Variants in MTUS2 observed in about 807,000 individuals in gnomAD.
The protein encoded by MTUS2 is microtubule associated scaffold protein 2, also known as microtubule-associated tumor suppressor candidate 2.
A neutral mutation model predicts 114.1 loss-of-function variants in MTUS2; 40 were observed. The observed-to-expected ratio is 0.35, with a 90% CI of 0.27 to 0.46. MTUS2 has a LOEUF of 0.46. MTUS2 is among the 20% of genes least tolerant of loss of function. MTUS2 has a pLI of 1.00. For missense variants in MTUS2, 1,679 were observed against 1,705.4 expected (o/e 0.98, Z 0.27); for synonymous variants, 688 against 672.0 (o/e 1.02, Z -0.37).
chr13:29,211,685 T>G (rs1218325361), intron 5 of MTUS2, among the ~76,000 whole-genome samples: 16 of 151,968 alleles, frequency 1.1e-4, no homozygotes, highest in Admixed American at 6.6e-4. Flanking sequence ...CTTAGCTCCC[T>G]ATAAGGTCAA....
intron 6 of MTUS2, among the ~76,000 whole-genome samples, chr13:29,310,958 A>C (rs1157035530): frequency 6.6e-6 from 1 of 152,230 alleles, no homozygotes; most frequent in Non-Finnish European, 1.5e-5. Context: ...ATGGCCAAAA[A>C]CTAGAAGTGG....
At chr13:29,164,912 G>A (rs1893251631) in intron 5 of MTUS2, among the ~76,000 whole-genome samples, 1 of 152,054 alleles carries the variant, frequency 6.6e-6, no homozygotes, top group African/African-American at 2.4e-5. Flanking sequence ...TATGGGAAAG[G>A]GCTTATTTAA....
chr13:29,142,480 G>C (rs992304776), intron 5 of MTUS2, among the ~76,000 whole-genome samples: 2 of 152,108 alleles, frequency 1.3e-5, no homozygotes, highest in Non-Finnish European at 2.9e-5. Context: ...GAGGCGGGTG[G>C]ATCACCTGAG....
chr13:28,969,643 C>A (rs999325790), intron 2 of MTUS2, among the ~76,000 whole-genome samples: 1 of 149,904 alleles, frequency 6.7e-6, no homozygotes. Flanking sequence ...GCTGGGATTA[C>A]AGGTACGTGC....
At chr13:28,895,187 C>T (rs1257521902) in intron 2 of MTUS2, among the ~76,000 whole-genome samples, 1 of 152,104 alleles carries the variant, frequency 6.6e-6, no homozygotes, top group Non-Finnish European at 1.5e-5. Context: ...TTTATACCTC[C>T]CAGATCCGAA....
intron 5 of MTUS2, among the ~76,000 whole-genome samples, chr13:29,203,643 C>T (rs974535914): frequency 2.0e-5 from 3 of 151,810 alleles, no homozygotes; most frequent in Non-Finnish European, 4.4e-5. Context: ...AATCCAGGGC[C>T]CTGGTGGCAT....
intron 5 of MTUS2, among the ~76,000 whole-genome samples, chr13:29,193,027 TG>T (rs1894510497): frequency 6.6e-6 from 1 of 152,190 alleles, no homozygotes; most frequent in East Asian, 1.9e-4. Context: ...TGATTAACTC[TG>T]GGGAGACTGA....
chr13:28,947,333 A>G (rs1010885117), intron 2 of MTUS2, among the ~76,000 whole-genome samples: 3 of 152,204 alleles, frequency 2.0e-5, no homozygotes, highest in Non-Finnish European at 4.4e-5. Context: ...ATTAAAGATT[A>G]GGGGCTGGAC....
At chr13:29,492,538 GGAGTCATTTATTT>G in intron 11 of MTUS2, 95 bp from the exon 12 acceptor site, 1 of 781,312 alleles carries the variant, frequency 1.3e-6, no homozygotes, top group Non-Finnish European at 2.1e-6. Flanking sequence ...CTGCTATACG[GGAGTCATTTATTT>G]ACCTGAAGTC....
At chr13:28,912,271 C>A (rs749856724) in intron 2 of MTUS2, among the ~76,000 whole-genome samples, 20 of 152,130 alleles carry the variant, frequency 1.3e-4, no homozygotes, top group Non-Finnish European at 2.8e-4. Flanking sequence ...ATAGGGAACC[C>A]TTTCCCCATT....
At chr13:29,460,887 C>T (rs377180323) in intron 9 of MTUS2, among the ~76,000 whole-genome samples, 206 of 146,406 alleles carry the variant, frequency 1.4e-3, no homozygotes, top group Non-Finnish European at 2.6e-3. Flanking sequence ...GAAGGAAAGT[C>T]AACAATCTAA....
chr13:29,188,161 G>T (rs1894300799), intron 5 of MTUS2, among the ~76,000 whole-genome samples: 1 of 152,146 alleles, frequency 6.6e-6, no homozygotes, highest in African/African-American at 2.4e-5. Flanking sequence ...TCTTCTGTAG[G>T]ACTGAAGTTA....
intron 2 of MTUS2, among the ~76,000 whole-genome samples, chr13:29,007,812 A>C (rs1348889397): frequency 6.6e-6 from 1 of 152,246 alleles, no homozygotes; most frequent in African/African-American, 2.4e-5. Flanking sequence ...AATATATGGT[A>C]ATCAACTGTT....
chr13:29,481,320 G>A (rs1176835936), intron 10 of MTUS2, among the ~76,000 whole-genome samples: 2 of 152,146 alleles, frequency 1.3e-5, no homozygotes, highest in Non-Finnish European at 2.9e-5. Context: ...CATGACTGCC[G>A]TTAGCGCTGA....
intron 5 of MTUS2, among the ~76,000 whole-genome samples, chr13:29,237,536 C>T (rs1195497662): frequency 6.6e-6 from 1 of 152,164 alleles, no homozygotes; most frequent in Non-Finnish European, 1.5e-5. Flanking sequence ...GTCTCTCCAG[C>T]TCCCTGTGAT....
chr13:28,994,193 T>C lies in MTUS2; in HGVS notation c.-242-30264T>C, dbSNP rs112812792. Reference sequence around the variant, plus strand: ...TGGGATAGTTTGCTTAGAATGATGGTTTCCAGCTTCATCCATGTCCCTACA... The same window carrying C: ...TGGGATAGTTTGCTTAGAATGATGGCTTCCAGCTTCATCCATGTCCCTACA... On this transcript the variant is annotated intron_variant, in intron 2 of 15. Coordinates refer to ENST00000612955, the MANE Select transcript of MTUS2 (RefSeq NM_001033602.4). Among the ~76,000 whole-genome samples the C allele has an allele frequency of 3.6e-3, 544 of 152,174 alleles. 3 individuals are homozygous for C. The highest frequency in any genetic ancestry group is 0.013 in the African/African-American group (519 of 41,496).
intron 2 of MTUS2, among the ~76,000 whole-genome samples, chr13:28,891,484 A>T (rs1191396143): frequency 6.6e-6 from 1 of 152,238 alleles, no homozygotes; most frequent in Non-Finnish European, 1.5e-5. Context: ...ACTGAAAGGC[A>T]TTAAAAAATA....
chr13:29,392,492 GC>G (rs1873585114), intron 8 of MTUS2, among the ~76,000 whole-genome samples: 1 of 152,198 alleles, frequency 6.6e-6, no homozygotes, highest in Non-Finnish European at 1.5e-5. Flanking sequence ...CTCCTCTCAT[GC>G]CCTGTCTGGA....
intron 2 of MTUS2, among the ~76,000 whole-genome samples, chr13:28,960,104 A>G (rs866211796): frequency 1.6e-4 from 24 of 152,364 alleles, no homozygotes; most frequent in African/African-American, 5.5e-4. Flanking sequence ...TAAAACAGCC[A>G]TTATAAAATT....
Sources: gnomAD v4.1 joint callset for allele counts (sites outside exome capture counted in the v4.1 genomes callset) on GRCh38, gnomAD v4.1.1 for gene constraint, MANE v1.5 for transcripts, NCBI Gene and HGNC (gene_info 2026-07-23, HGNC 2026-07-21) for gene names.